The following ZNF385B variants were observed in gnomAD, a reference collection of about 807,000 sequenced individuals.
ZNF385B encodes the protein zinc finger protein 385B.
A neutral mutation model predicts 39.2 loss-of-function variants in ZNF385B; 23 were observed. That is an observed-to-expected ratio of 0.59 (90% CI 0.42 to 0.83). The LOEUF (loss-of-function observed/expected upper bound fraction) is 0.83. ZNF385B is among the 40% of genes least tolerant of loss of function. The pLI is 0.00. For missense variants in ZNF385B, 552 were observed against 598.9 expected (o/e 0.92, Z 0.82); for synonymous variants, 205 against 222.6 (o/e 0.92, Z 0.70).
At chr2:179,487,362 C>A (rs933564769) in intron 5 of ZNF385B, among the ~76,000 whole-genome samples, 1 of 152,240 alleles carries the variant, frequency 6.6e-6, no homozygotes, top group African/African-American at 2.4e-5. Flanking sequence ...GCAAGTGCCA[C>A]TTCCTTATAT....
At chr2:179,542,121 C>A (rs2059954818) in intron 4 of ZNF385B, among the ~76,000 whole-genome samples, 1 of 152,146 alleles carries the variant, frequency 6.6e-6, no homozygotes, top group Non-Finnish European at 1.5e-5. Flanking sequence ...TGGACAATAA[C>A]TTTCATGACA....
At chr2:179,520,599 G>A (rs934663866) in intron 4 of ZNF385B, among the ~76,000 whole-genome samples, 19 of 152,116 alleles carry the variant, frequency 1.2e-4, no homozygotes, top group East Asian at 1.9e-4. Flanking sequence ...CAGACATGGC[G>A]AATCAGTTTA....
At position 179,447,888 on chromosome 2, in the gene ZNF385B, A is replaced by G. The variant is rs529516993; in HGVS notation, c.716-1118T>C. ...ATGGGTAAACCTAAGCTTTTAGAACACATTGCAAATGATGGGAGATCATAT... is the reference window on the plus strand; with the variant it reads ...ATGGGTAAACCTAAGCTTTTAGAACGCATTGCAAATGATGGGAGATCATAT... On this transcript the variant is annotated intron_variant, in intron 6 of 9. Coordinates refer to ENST00000410066, the MANE Select transcript of ZNF385B (RefSeq NM_152520.6). Among the ~76,000 whole-genome samples, 11 of 152,252 alleles carry G rather than the reference A, an allele frequency of 7.2e-5. No individual in the cohort carries two copies. The East Asian group carries it at 1.9e-3, about 27-fold the overall frequency.
intron 1 of ZNF385B, among the ~76,000 whole-genome samples, chr2:179,772,862 G>A (rs1447882234): frequency 1.3e-5 from 2 of 152,172 alleles, no homozygotes. Flanking sequence ...ATGAGTGTAA[G>A]AAAAGTCAGG....
At chr2:179,795,345 T>C (rs1705593569) in intron 1 of ZNF385B, among the ~76,000 whole-genome samples, 1 of 152,214 alleles carries the variant, frequency 6.6e-6, no homozygotes, top group African/African-American at 2.4e-5. Context: ...GTTTCTACGA[T>C]TTTCATTTTA....
intron 3 of ZNF385B, among the ~76,000 whole-genome samples, chr2:179,653,395 G>C (rs1402694264): frequency 6.6e-6 from 1 of 152,142 alleles, no homozygotes; most frequent in African/African-American, 2.4e-5. Context: ...CTCTTGTTGA[G>C]TAGTTTCTAT....
intron 3 of ZNF385B, among the ~76,000 whole-genome samples, chr2:179,563,050 A>G (rs187270270): frequency 4.1e-4 from 62 of 152,330 alleles, no homozygotes; most frequent in African/African-American, 1.5e-3. Context: ...AAAGATTCAT[A>G]TAGTTCAAAA....
At chr2:179,726,563 C>T (rs1322711971) in intron 3 of ZNF385B, among the ~76,000 whole-genome samples, 1 of 152,008 alleles carries the variant, frequency 6.6e-6, no homozygotes, top group Non-Finnish European at 1.5e-5. Context: ...GTAGTTGGCA[C>T]AGGGTAAGAC....
chr2:179,840,731 C>A (rs1168382453), intron 1 of ZNF385B, among the ~76,000 whole-genome samples: 1 of 152,194 alleles, frequency 6.6e-6, no homozygotes, highest in African/African-American at 2.4e-5. Flanking sequence ...ACTAGTGAGT[C>A]TAACTTTTAA....
At chr2:179,751,224 C>T (rs941141588) in intron 3 of ZNF385B, among the ~76,000 whole-genome samples, 4 of 121,362 alleles carry the variant, frequency 3.3e-5, no homozygotes, top group African/African-American at 1.3e-4. Flanking sequence ...CTCAGTCTTT[C>T]AAATGAGCAT....
At chr2:179,820,328 T>A (rs1707329938) in intron 1 of ZNF385B, among the ~76,000 whole-genome samples, 1 of 152,106 alleles carries the variant, frequency 6.6e-6, no homozygotes, top group Admixed American at 6.5e-5. Flanking sequence ...TGACTCTGAC[T>A]ATAGCCCTTT....
Position 179,651,737 on chromosome 2 carries a change from C to G in ZNF385B, c.299-106768G>C, listed in dbSNP as rs141913390. ...GTGGATGAGGAGAATCTGAATGTTG[C>G]CTTGCAGAGACCTCCTTGGTGTCTG... On this transcript the variant is annotated intron_variant, in intron 3 of 9. Transcript: ENST00000410066. Among the ~76,000 whole-genome samples, 524 of 152,062 alleles carry G rather than the reference C, an allele frequency of 3.4e-3. 2 individuals are homozygous for G. Among genetic ancestry groups the G allele is most frequent in the African/African-American group, 0.011 (472 of 41,486 alleles).
chr2:179,445,027 T>C (rs1364573297), intron 8 of ZNF385B, 50 bp from the exon 9 acceptor site: 9 of 1,511,844 alleles, frequency 6.0e-6, no homozygotes, highest in African/African-American at 2.7e-5. Context: ...TCTTATTCCA[T>C]GTAAAACGTA....
intron 3 of ZNF385B, among the ~76,000 whole-genome samples, chr2:179,726,216 C>T (rs1701010815): frequency 6.6e-6 from 1 of 152,014 alleles, no homozygotes; most frequent in Non-Finnish European, 1.5e-5. Context: ...TCTTTCCCTT[C>T]ATTAAAATCT....
At chr2:179,502,672 A>T (rs1051897992) in intron 5 of ZNF385B, among the ~76,000 whole-genome samples, 1 of 152,144 alleles carries the variant, frequency 6.6e-6, no homozygotes, top group East Asian at 1.9e-4. Context: ...TCTTTTCTTC[A>T]TAAATTTCCC....
chr2:179,633,357 G>A (rs3112950), intron 3 of ZNF385B, among the ~76,000 whole-genome samples: 58,205 of 151,872 alleles, frequency 0.38, 11,339 homozygotes, highest in African/African-American at 0.46. Context: ...TATCCACCAC[G>A]ATCAAGTCAG....
intron 3 of ZNF385B, among the ~76,000 whole-genome samples, chr2:179,654,864 C>A (rs544353365): frequency 6.6e-5 from 10 of 152,118 alleles, no homozygotes; most frequent in African/African-American, 9.7e-5. Context: ...ATTTAGTATG[C>A]GTGTATTCTT....
At chr2:179,493,414 A>AATGCATGTGTACATATATGTACGTAT (rs1223956288) in intron 5 of ZNF385B, among the ~76,000 whole-genome samples, 1 of 151,432 alleles carries the variant, frequency 6.6e-6, no homozygotes, top group Admixed American at 6.6e-5. Flanking sequence ...TATGTACACA[A>AATGCATGTGTACATATATGTACGTAT]ATGCATGTGT....
chr2:179,493,574 T>C (rs559301150), intron 5 of ZNF385B, among the ~76,000 whole-genome samples: 4 of 127,480 alleles, frequency 3.1e-5, no homozygotes, highest in African/African-American at 1.1e-4. Flanking sequence ...TGCGTATACA[T>C]ATGTGTATGT....
Sources: allele counts gnomAD v4.1 joint callset (sites outside exome capture counted in the v4.1 genomes callset), GRCh38; gene constraint gnomAD v4.1.1; transcripts MANE v1.5; gene names NCBI Gene and HGNC (gene_info 2026-07-23, HGNC 2026-07-21).